Variants in TSNARE1 observed in about 807,000 individuals in gnomAD.
The protein encoded by TSNARE1 is t-SNARE domain containing 1.
TSNARE1 carries 49 observed loss-of-function variants against 62.0 expected under a neutral mutation model. The ratio of observed to expected loss-of-function variants is 0.79; its 90% confidence interval spans 0.63 to 1.00. TSNARE1 has a LOEUF of 1.00. TSNARE1 is among the 50% of genes least tolerant of loss of function. The probability of loss-of-function intolerance (pLI) is 0.00; values close to 1 mark genes in which losing one functional copy is unlikely to be tolerated. For missense variants in TSNARE1, 755 were observed against 700.1 expected (o/e 1.08, Z -0.88); for synonymous variants, 328 against 294.4 (o/e 1.11, Z -1.17).
chr8:142,383,945 A>G (rs1836944015), intron 1 of TSNARE1, among the ~76,000 whole-genome samples: 1 of 152,212 alleles, frequency 6.6e-6, no homozygotes, highest in South Asian at 2.1e-4. Flanking sequence ...GCTATGACCA[A>G]GAACAGAGAG....
intron 12 of TSNARE1, among the ~76,000 whole-genome samples, chr8:142,233,075 G>A (rs747648252): frequency 8.5e-5 from 13 of 152,314 alleles, no homozygotes; most frequent in South Asian, 2.1e-4. Flanking sequence ...GGGGACAGCC[G>A]GCCAGGCACA....
chr8:142,380,248 G>A (rs2131197745), intron 1 of TSNARE1, among the ~76,000 whole-genome samples: 1 of 152,350 alleles, frequency 6.6e-6, no homozygotes, highest in South Asian at 2.1e-4. Context: ...CGTCCATGGG[G>A]AGGCCGGGCC....
chr8:142,256,206 TGTC>T (rs1818531244), intron 12 of TSNARE1, among the ~76,000 whole-genome samples: 2 of 14,594 alleles, frequency 1.4e-4, no homozygotes, highest in Middle Eastern at 0.038. Context: ...CCACCACCAC[TGTC>T]ACCATCACCA....
chr8:142,361,301 A>C (rs1198048764), intron 1 of TSNARE1, among the ~76,000 whole-genome samples: 4 of 152,170 alleles, frequency 2.6e-5, no homozygotes, highest in Non-Finnish European at 5.9e-5. Flanking sequence ...ATGGGGGAGG[A>C]AACGACAAGG....
At chr8:142,366,688 C>A (rs998076627) in intron 1 of TSNARE1, among the ~76,000 whole-genome samples, 1 of 152,204 alleles carries the variant, frequency 6.6e-6, no homozygotes, top group African/African-American at 2.4e-5. Context: ...ATAAATCACA[C>A]TAGGAACAAT....
chr8:142,353,936 A>T (rs1417441089), intron 2 of TSNARE1, among the ~76,000 whole-genome samples: 1 of 152,014 alleles, frequency 6.6e-6, no homozygotes, highest in Non-Finnish European at 1.5e-5. Flanking sequence ...TGAGGCCCCA[A>T]ATTCAGTCCT....
intron 11 of TSNARE1, among the ~76,000 whole-genome samples, chr8:142,279,613 G>A (rs912618016): frequency 6.6e-6 from 1 of 152,212 alleles, no homozygotes; most frequent in Non-Finnish European, 1.5e-5. Flanking sequence ...GGAGGACCCT[G>A]AGCTGGAACC....
rs1833276518 is a variant in TSNARE1, at chr8:142,345,804, C to T, written c.177G>A (p.Lys59=). 5 of 1,613,950 alleles carry T rather than the reference C, an allele frequency of 3.1e-6. No homozygotes were observed. Among genetic ancestry groups the T allele is most frequent in the Non-Finnish European group, 3.4e-6 (4 of 1,179,898 alleles). The change falls in exon 3 of 14, where the codon AAG becomes AAA. Residue 59 remains lysine (K), a synonymous_variant. Transcript: ENST00000524325. ...CTGGCCCCAGATCACCTTCCCCGTCCTTCCCCACACAGCGGTTCTGCAGCT... is the reference window on the plus strand; with the variant it reads ...CTGGCCCCAGATCACCTTCCCCGTCTTTCCCCACACAGCGGTTCTGCAGCT... ...ESKLQNRCVG[K]DGEGDLGPAG... is the part of the protein sequence containing the mutation.
intron 8 of TSNARE1, 25 bp downstream of exon 8, chr8:142,314,978 C>T (rs760493395): frequency 1.2e-6 from 2 of 1,612,486 alleles, no homozygotes; most frequent in Non-Finnish European, 8.5e-7. Flanking sequence ...CCTGCAGACC[C>T]CCACTGCCCC....
At chr8:142,282,770 C>T (rs1465266113) in intron 11 of TSNARE1, among the ~76,000 whole-genome samples, 2 of 146,164 alleles carry the variant, frequency 1.4e-5, no homozygotes, top group Non-Finnish European at 3.0e-5. Flanking sequence ...CAGTGTCTGC[C>T]AATGAGCAGA....
At chr8:142,393,073 CCTAAA>C (rs753354821) in intron 1 of TSNARE1, among the ~76,000 whole-genome samples, 1 of 151,756 alleles carries the variant, frequency 6.6e-6, no homozygotes, top group African/African-American at 2.4e-5. Flanking sequence ...TGTCAAACTA[CCTAAA>C]CTATTCAAAA....
In TSNARE1 at chr8:142,222,808, TCATTCAC is replaced by T. The variant is rs1342409212; in HGVS notation, c.*11+6658_*11+6664del. On this transcript the variant is annotated intron_variant, in intron 13 of 13. Transcript: ENST00000524325. ...CTCACTCACTCATCCACTCACTCAC[TCATTCAC>T]TCACTCACTCACTCATTCACTCACT... Among the ~76,000 whole-genome samples the T allele has an allele frequency of 2.9e-4, 17 of 57,728 alleles. 1 individual carries two copies. Among genetic ancestry groups the T allele is most frequent in the East Asian group, 5.2e-4 (1 of 1,930 alleles). The allele number at this position is 57,728 out of a possible 152,430, so 37.9% of individuals were successfully genotyped here.
intron 9 of TSNARE1, among the ~76,000 whole-genome samples, chr8:142,313,582 T>C (rs150843970): frequency 6.6e-6 from 1 of 152,368 alleles, no homozygotes; most frequent in East Asian, 1.9e-4. Context: ...TCTGTGTTTA[T>C]CTGCATGTGT....
chr8:142,225,912 C>T (rs907643467), intron 13 of TSNARE1, among the ~76,000 whole-genome samples: 4 of 152,162 alleles, frequency 2.6e-5, no homozygotes, highest in Admixed American at 2.6e-4. Context: ...TGGGTCCTTC[C>T]TTGCCCTGTC....
Position 142,318,587 on chromosome 8 carries a change from C to G in TSNARE1, c.941G>C (p.Ser314Thr), listed in dbSNP as rs149572193. The change falls in exon 7 of 14, where the codon AGC (serine) becomes ACC (threonine). Residue 314 changes from serine (S) to threonine (T), a missense_variant. By Grantham distance (58) the Ser-to-Thr change is moderately conservative. Coordinates refer to ENST00000524325, the MANE Select transcript of TSNARE1 (RefSeq NM_145003.5). ...ETNKTIAASA[S>T]SVKQMAELLR... Reference sequence around the variant, plus strand: ...CAGCTCGGCCATCTGCTTCACGGAGCTGGCGCTGGCTGCAATGGTCTTGTT... The same window carrying G: ...CAGCTCGGCCATCTGCTTCACGGAGGTGGCGCTGGCTGCAATGGTCTTGTT... The G allele has an allele frequency of 2.5e-5, 41 of 1,613,674 alleles. No homozygotes were observed. Among genetic ancestry groups the G allele is most frequent in the Admixed American group, 5.0e-5 (3 of 60,000 alleles).
intron 12 of TSNARE1, among the ~76,000 whole-genome samples, chr8:142,264,979 T>C (rs1323191733): frequency 1.3e-5 from 2 of 152,250 alleles, no homozygotes; most frequent in African/African-American, 4.8e-5. Flanking sequence ...TTTCTTTTTG[T>C]TGCATTTTTT....
chr8:142,249,680 G>T (rs1166735688), intron 12 of TSNARE1, among the ~76,000 whole-genome samples: 1 of 152,104 alleles, frequency 6.6e-6, no homozygotes, highest in Non-Finnish European at 1.5e-5. Flanking sequence ...TCCGCGTCAG[G>T]ACCGGCTCAT....
At chr8:142,400,325 A>C (rs1838196555) in intron 1 of TSNARE1, among the ~76,000 whole-genome samples, 1 of 152,122 alleles carries the variant, frequency 6.6e-6, no homozygotes, top group Admixed American at 6.5e-5. Flanking sequence ...AGGCCCCTGT[A>C]ATCCCAGCTA....
At chr8:142,315,611 A>AGCACGGAGCCGGGGTGGGGCTGGACAC (rs1240057819) in intron 7 of TSNARE1, among the ~76,000 whole-genome samples, 38 of 148,854 alleles carry the variant, frequency 2.6e-4, no homozygotes, top group African/African-American at 5.5e-4. Context: ...GAGCTGGAGA[A>AGCACGGAGCCGGGGTGGGGCTGGACAC]GCACGGAGCC....
Sources: allele counts gnomAD v4.1 joint callset (sites outside exome capture counted in the v4.1 genomes callset), GRCh38; gene constraint gnomAD v4.1.1; transcripts MANE v1.5; gene names NCBI Gene and HGNC (gene_info 2026-07-23, HGNC 2026-07-21).